Variants in DPYSL3 observed in about 807,000 individuals in gnomAD.
DPYSL3 encodes the protein dihydropyrimidinase like 3.
Under a neutral mutation model 66.1 loss-of-function variants are expected in DPYSL3, and 16 were observed. The observed-to-expected ratio is 0.24, with a 90% CI of 0.16 to 0.37. DPYSL3 has a LOEUF of 0.37. Among genes scored for constraint, DPYSL3 ranks in the 10% least tolerant of loss-of-function variants. The pLI is 1.00. For synonymous variants in DPYSL3, 338 were observed against 345.1 expected (o/e 0.98, Z 0.23); for missense variants, 738 against 916.2 (o/e 0.81, Z 2.51).
chr5:147,437,694 AG>A (rs1752438702), intron 1 of DPYSL3, among the ~76,000 whole-genome samples: 1 of 152,230 alleles, frequency 6.6e-6, no homozygotes, highest in Non-Finnish European at 1.5e-5. Flanking sequence ...TCTATCATAC[AG>A]GAGTGCAAAG....
At chr5:147,508,507 C>T (rs970159610) in intron 1 of DPYSL3, among the ~76,000 whole-genome samples, 1 of 152,104 alleles carries the variant, frequency 6.6e-6, no homozygotes, top group Non-Finnish European at 1.5e-5. Context: ...ATTATTATTC[C>T]CCAACTGAAA....
chr5:147,477,970 A>C (rs906455617), intron 1 of DPYSL3, among the ~76,000 whole-genome samples: 3 of 152,216 alleles, frequency 2.0e-5, no homozygotes, highest in African/African-American at 7.2e-5. Flanking sequence ...CCTTTCTTAG[A>C]GCTTGTCCAG....
At chr5:147,446,067 C>G (rs115270643) in intron 1 of DPYSL3, among the ~76,000 whole-genome samples, 14 of 152,298 alleles carry the variant, frequency 9.2e-5, no homozygotes, top group African/African-American at 2.2e-4. Context: ...AATGGTCGCT[C>G]TCATCCACTT....
At chr5:147,452,772 C>T (rs886379776) in intron 1 of DPYSL3, among the ~76,000 whole-genome samples, 5 of 152,106 alleles carry the variant, frequency 3.3e-5, no homozygotes, top group Non-Finnish European at 1.5e-5. Flanking sequence ...TTGAACACTG[C>T]ATGCATACAG....
At chr5:147,407,383 G>A (rs996711537) in intron 7 of DPYSL3, among the ~76,000 whole-genome samples, 4 of 152,096 alleles carry the variant, frequency 2.6e-5, no homozygotes, top group African/African-American at 9.7e-5. Context: ...AAGGCTAAGG[G>A]GAGGTTGAAA....
chr5:147,492,398 C>G (rs1753429165), intron 1 of DPYSL3, among the ~76,000 whole-genome samples: 2 of 151,920 alleles, frequency 1.3e-5, no homozygotes, highest in Admixed American at 1.3e-4. Flanking sequence ...TTTTCCTATT[C>G]TTAATGTATC....
chr5:147,452,881 GCACA>G (rs3995474), intron 1 of DPYSL3, among the ~76,000 whole-genome samples: 44,595 of 136,942 alleles, frequency 0.33, 7,019 homozygotes, highest in Non-Finnish European at 0.38. Context: ...TGCATCGAAG[GCACA>G]CACACACACA....
Position 147,392,478 on chromosome 5 carries a change from T to C in DPYSL3, c.*1557A>G, listed in dbSNP as rs1291201879. 2 of 152,228 alleles carry C rather than the reference T, an allele frequency of 1.3e-5. No homozygotes were observed. The highest frequency in any genetic ancestry group is 3.8e-4 in the East Asian group (2 of 5,196). The allele number at this position is 152,228 out of a possible 1,614,324, so 9.4% of individuals were successfully genotyped here. On this transcript the variant is annotated 3_prime_UTR_variant, in exon 14 of 14. Coordinates refer to ENST00000343218, the MANE Select transcript of DPYSL3 (RefSeq NM_001197294.2). ...CTGCTCTTCTCTTCAAAGCACTTAGTACACAGGGTTACAGGTGCTACCACT... is the reference window on the plus strand; with the variant it reads ...CTGCTCTTCTCTTCAAAGCACTTAGCACACAGGGTTACAGGTGCTACCACT...
chr5:147,397,733 G>A lies in DPYSL3; in HGVS notation c.1736C>T (p.Ala579Val), dbSNP rs1489478190. The change falls in exon 12 of 14, where the codon GCT becomes GTT. Residue 579 changes from alanine to valine, a missense_variant. Ala to Val is a moderately conservative substitution (Grantham distance 64). Coordinates refer to ENST00000343218, the MANE Select transcript of DPYSL3 (RefSeq NM_001197294.2). ...EDGNLHVTQG[A>V]GRFIPCSPFS... Reference sequence around the variant, plus strand: ...CGGGCTGCAGGGTATGAAGCGGCCAGCCCCCTGGGTCACGTGCAGGTTGCC... The same window carrying A: ...CGGGCTGCAGGGTATGAAGCGGCCAACCCCCTGGGTCACGTGCAGGTTGCC... 6.2e-6 allele frequency: 10 copies of A among 1,614,028 alleles called. No individual in the cohort carries two copies. Among genetic ancestry groups the A allele is most frequent in the Non-Finnish European group, 8.5e-6 (10 of 1,180,044 alleles).
chr5:147,434,658 C>G (rs576111884), intron 1 of DPYSL3, among the ~76,000 whole-genome samples: 4 of 149,480 alleles, frequency 2.7e-5, no homozygotes, highest in Admixed American at 1.4e-4. Context: ...AAGCCAGGAT[C>G]GCAAATAGTA....
chr5:147,447,593 A>G lies in DPYSL3; in HGVS notation c.382-22630T>C, dbSNP rs145500537. Among the ~76,000 whole-genome samples the G allele has an allele frequency of 1.0e-3, 155 of 152,268 alleles. 1 individual carries two copies. The highest frequency in any genetic ancestry group is 3.5e-3 in the African/African-American group (147 of 41,556). The stretch of plus-strand genomic sequence containing the variant: ...CTCCTATTAACATCCATCACAGGCC[A>G]GGTGCGGTGGCTCACGCCTGTAATC... On this transcript the variant is annotated intron_variant, in intron 1 of 13. Transcript: ENST00000343218.
chr5:147,416,659 T>C (rs975026365), intron 3 of DPYSL3, among the ~76,000 whole-genome samples: 2 of 152,176 alleles, frequency 1.3e-5, no homozygotes, highest in Non-Finnish European at 2.9e-5. Context: ...CTCTGAAATA[T>C]ACATAAAAAA....
At chr5:147,406,882 A>G (rs2152019257) in intron 7 of DPYSL3, among the ~76,000 whole-genome samples, 1 of 152,322 alleles carries the variant, frequency 6.6e-6, no homozygotes, top group Admixed American at 6.5e-5. Context: ...TTGTGGGTGT[A>G]GCTCAGCAGA....
chr5:147,424,676 T>C (rs1752162429), intron 2 of DPYSL3, among the ~76,000 whole-genome samples, 199 bp downstream of exon 2: 1 of 152,218 alleles, frequency 6.6e-6, no homozygotes, highest in African/African-American at 2.4e-5. Context: ...TTAAGGATGA[T>C]GGCCACATCT....
intron 1 of DPYSL3, among the ~76,000 whole-genome samples, chr5:147,448,099 GGTT>G (rs1190873281): frequency 6.6e-6 from 1 of 151,040 alleles, no homozygotes; most frequent in Non-Finnish European, 1.5e-5. Flanking sequence ...TTTTTCTTTT[GGTT>G]GTTGTTCTTT....
intron 1 of DPYSL3, among the ~76,000 whole-genome samples, chr5:147,489,938 T>C (rs1458082279): frequency 5.9e-5 from 9 of 152,128 alleles, no homozygotes; most frequent in Admixed American, 5.9e-4. Flanking sequence ...CATGTACCTC[T>C]TGAATCTAAA....
rs573090904 is a variant in DPYSL3 at position 147,470,327 on chromosome 5, A to C, written c.381+39151T>G. ...CTAGAGCACTAAACAAATCTAACAT[A>C]GATTCCGGAAACTTCTCTTTACCTT... On this transcript the variant is annotated intron_variant, in intron 1 of 13. Transcript: ENST00000343218. Among the ~76,000 whole-genome samples, 5 of 152,252 alleles carry C rather than the reference A, an allele frequency of 3.3e-5. No homozygotes were observed. The South Asian group carries it at 1.0e-3, about 32-fold the overall frequency.
rs1314280262 is a variant in DPYSL3 at position 147,401,665 on chromosome 5, G to A, written c.1185C>T (p.Ala395=). ...GNVVFGEPIT[A]SLGIDGTHYW... ...AATGGGTTCCATCTATGCCGAGGCT[G>A]GCAGTGATGGGCTCACCAAAGACTA... The change falls in exon 9 of 14, where the codon GCC becomes GCT. Residue 395 remains alanine (A), a synonymous_variant. Coordinates refer to ENST00000343218, the MANE Select transcript of DPYSL3 (RefSeq NM_001197294.2). The A allele has an allele frequency of 1.9e-6, 3 of 1,614,024 alleles. No individual in the cohort carries two copies. Among genetic ancestry groups the A allele is most frequent in the African/African-American group, 2.7e-5 (2 of 74,930 alleles).
intron 1 of DPYSL3, among the ~76,000 whole-genome samples, chr5:147,439,803 C>T (rs1752497559): frequency 6.6e-6 from 1 of 152,178 alleles, no homozygotes; most frequent in Admixed American, 6.5e-5. Flanking sequence ...AGCTAATATA[C>T]AGTTAGCTGG....
Sources: allele counts gnomAD v4.1 joint callset (sites outside exome capture counted in the v4.1 genomes callset), GRCh38; gene constraint gnomAD v4.1.1; transcripts MANE v1.5; gene names NCBI Gene and HGNC (gene_info 2026-07-23, HGNC 2026-07-21).